The following NDUFAF2 variants were observed in gnomAD, a reference collection of about 807,000 sequenced individuals.
NDUFAF2 encodes NADH:ubiquinone oxidoreductase complex assembly factor 2, also known as NADH dehydrogenase [ubiquinone] 1 alpha subcomplex assembly factor 2.
A neutral mutation model predicts 22.8 loss-of-function variants in NDUFAF2; 13 were observed. The ratio of observed to expected loss-of-function variants is 0.57; its 90% CI spans 0.37 to 0.91. NDUFAF2 has a LOEUF of 0.91. NDUFAF2 is among the 40% of genes least tolerant of loss of function. The pLI, the probability that NDUFAF2 is intolerant of heterozygous loss-of-function variation, is 0.01. For missense variants in NDUFAF2, 162 were observed against 195.2 expected, an observed-to-expected ratio of 0.83 and a Z score of 1.01; for synonymous variants, 53 against 64.2, an observed-to-expected ratio of 0.83 and a Z score of 0.84.
At chr5:60,953,672 G>A (rs1261217293) in intron 1 of NDUFAF2, among the ~76,000 whole-genome samples, 1 of 152,146 alleles carries the variant, frequency 6.6e-6, no homozygotes, top group Non-Finnish European at 1.5e-5. Context: ...GTGAGTAAAT[G>A]TCTAGAGAAA....
At chr5:61,029,335 C>T (rs868251468) in intron 1 of NDUFAF2, among the ~76,000 whole-genome samples, 3 of 152,020 alleles carry the variant, frequency 2.0e-5, no homozygotes, top group East Asian at 3.9e-4. Context: ...GATTGCCATG[C>T]GTGTTGAATT....
chr5:61,032,758 G>A (rs1449260334), intron 1 of NDUFAF2, among the ~76,000 whole-genome samples: 1 of 152,110 alleles, frequency 6.6e-6, no homozygotes, highest in East Asian at 1.9e-4. Context: ...CCAATTCTGT[G>A]AAGAAAGTCA....
chr5:61,029,480 T>G (rs1288474804), intron 1 of NDUFAF2, among the ~76,000 whole-genome samples: 1 of 152,152 alleles, frequency 6.6e-6, no homozygotes, highest in Admixed American at 6.6e-5. Flanking sequence ...ACATTTATAT[T>G]AGGTTGCACA....
intron 3 of NDUFAF2, among the ~76,000 whole-genome samples, chr5:61,100,147 T>C (rs190257508): frequency 6.6e-6 from 1 of 152,254 alleles, no homozygotes; most frequent in East Asian, 1.9e-4. Flanking sequence ...AAAGGCAATA[T>C]GATCCAGGAT....
chr5:60,971,435 C>T (rs1424913462), intron 1 of NDUFAF2, among the ~76,000 whole-genome samples: 4 of 151,984 alleles, frequency 2.6e-5, no homozygotes, highest in South Asian at 2.1e-4. Context: ...TGCAGGCACC[C>T]GCCACCGTGC....
At chr5:61,057,482 A>G (rs1752113919) in intron 1 of NDUFAF2, among the ~76,000 whole-genome samples, 1 of 152,222 alleles carries the variant, frequency 6.6e-6, no homozygotes. Flanking sequence ...TAGTAAATGA[A>G]TATATGTATT....
intron 1 of NDUFAF2, among the ~76,000 whole-genome samples, chr5:60,949,406 A>T (rs1750510634): frequency 6.6e-6 from 1 of 152,180 alleles, no homozygotes; most frequent in African/African-American, 2.4e-5. Context: ...TTAGTATTCC[A>T]TGTTAATGGA....
chr5:60,989,720 G>C (rs762429207), intron 1 of NDUFAF2, among the ~76,000 whole-genome samples: 3 of 152,176 alleles, frequency 2.0e-5, no homozygotes, highest in Non-Finnish European at 4.4e-5. Flanking sequence ...CACAACAAAG[G>C]GAACAACAGA....
intron 1 of NDUFAF2, among the ~76,000 whole-genome samples, chr5:61,063,311 A>C (rs187432220): frequency 3.3e-4 from 50 of 151,000 alleles, no homozygotes; most frequent in Admixed American, 1.6e-3. Flanking sequence ...CAGCCTGGAT[A>C]ATATGGCAAG....
chr5:61,034,211 C>A (rs1355306261), intron 1 of NDUFAF2, among the ~76,000 whole-genome samples: 3 of 152,048 alleles, frequency 2.0e-5, no homozygotes, highest in Non-Finnish European at 4.4e-5. Flanking sequence ...TACCTGTTAG[C>A]AATCTTGATG....
At position 61,107,908 on chromosome 5, in the gene NDUFAF2, G is replaced by C. The variant is rs1472847143; in HGVS notation, c.258+8876G>C. ...TTCAATTCCCACCTATGAGTGAGAA[G>C]ATGCGGTGTTTGGTTTTTTGTTCTT... On this transcript the variant is annotated intron_variant, in intron 3 of 3. Transcript: ENST00000296597. Among the ~76,000 whole-genome samples, 4 of 146,842 alleles carry C rather than the reference G, an allele frequency of 2.7e-5. 1 individual carries two copies. Among genetic ancestry groups the C allele is most frequent in the African/African-American group, 1.0e-4 (4 of 38,552 alleles).
At chr5:60,953,734 G>C (rs767257235) in intron 1 of NDUFAF2, among the ~76,000 whole-genome samples, 7 of 152,278 alleles carry the variant, frequency 4.6e-5, no homozygotes, top group Non-Finnish European at 8.8e-5. Flanking sequence ...ATGAATTGAG[G>C]AAGAGTATAT....
At chr5:60,981,700 T>C (rs1750979935) in intron 1 of NDUFAF2, among the ~76,000 whole-genome samples, 1 of 152,098 alleles carries the variant, frequency 6.6e-6, no homozygotes, top group Non-Finnish European at 1.5e-5. Flanking sequence ...CAGTGTAAAG[T>C]TTTTATTAGC....
At chr5:60,998,509 C>T (rs1314808848) in intron 1 of NDUFAF2, among the ~76,000 whole-genome samples, 1 of 151,966 alleles carries the variant, frequency 6.6e-6, no homozygotes, top group Non-Finnish European at 1.5e-5. Context: ...TGATGAAAAC[C>T]TATTTTTATC....
chr5:61,051,899 C>A (rs965675467), intron 1 of NDUFAF2, among the ~76,000 whole-genome samples: 1 of 152,102 alleles, frequency 6.6e-6, no homozygotes, highest in Admixed American at 6.6e-5. Flanking sequence ...AAATGCAATT[C>A]TGACCTTTGT....
At chr5:61,047,284 A>T (rs1398871372) in intron 1 of NDUFAF2, among the ~76,000 whole-genome samples, 5 of 152,142 alleles carry the variant, frequency 3.3e-5, no homozygotes, top group Admixed American at 2.6e-4. Flanking sequence ...TCCTATGATC[A>T]TATTTTATTA....
intron 1 of NDUFAF2, among the ~76,000 whole-genome samples, chr5:61,008,731 C>G (rs1222739839): frequency 1.3e-5 from 2 of 152,028 alleles, no homozygotes; most frequent in East Asian, 3.9e-4. Flanking sequence ...AGTGACAGAA[C>G]CCGAATGTAA....
chr5:60,980,279 A>G (rs1750959665), intron 1 of NDUFAF2, among the ~76,000 whole-genome samples: 1 of 152,232 alleles, frequency 6.6e-6, no homozygotes, highest in African/African-American at 2.4e-5. Flanking sequence ...AAAACCATCC[A>G]GGAATACATG....
At chr5:61,136,059 T>C (rs1352924190) in intron 3 of NDUFAF2, among the ~76,000 whole-genome samples, 5 of 121,756 alleles carry the variant, frequency 4.1e-5, no homozygotes, top group Non-Finnish European at 8.5e-5. Context: ...TGGATTGCTT[T>C]TTTTCTCACC....
Sources: allele counts gnomAD v4.1 joint callset (sites outside exome capture counted in the v4.1 genomes callset), GRCh38; gene constraint gnomAD v4.1.1; transcripts MANE v1.5; gene names NCBI Gene and HGNC (gene_info 2026-07-23, HGNC 2026-07-21).